The following PTPRS variants were observed in gnomAD, a reference collection of about 807,000 sequenced individuals.
PTPRS encodes receptor-type tyrosine-protein phosphatase S.
In PTPRS, 63 loss-of-function variants were observed where a neutral mutation model predicts 215.3. That is an observed-to-expected ratio of 0.29 (90% CI 0.24 to 0.36). The LOEUF is 0.36. PTPRS is among the 10% of genes least tolerant of loss of function. PTPRS has a pLI of 1.00. For synonymous variants in PTPRS, 1,404 were observed against 1,191.4 expected, an observed-to-expected ratio of 1.18 and a Z score of -3.68; for missense variants, 2,258 against 2,825.8, an observed-to-expected ratio of 0.80 and a Z score of 4.56.
At position 5,206,817 on chromosome 19, in the gene PTPRS, G is replaced by A. The variant is rs1326058191; in HGVS notation, c.5804C>T (p.Ala1935Val). 1.2e-6 allele frequency: 2 copies of A among 1,614,088 alleles called. No homozygotes were observed. Among genetic ancestry groups the A allele is most frequent in the Non-Finnish European group, 1.7e-6 (2 of 1,179,972 alleles). Residue 1935 changes from alanine (A) to valine (V), a missense_variant, in exon 38 of 38, where the codon GCG becomes GTG. Physicochemically the swap from Ala to Val is moderately conservative, Grantham distance 64 (BLOSUM62 0). Around this residue, in one of 6 missense-constraint regions of PTPRS, gnomAD observed 89 missense variants for 104.0 expected, o/e 0.86. Coordinates refer to ENST00000262963, the MANE Select transcript of PTPRS (RefSeq NM_002850.4). ...TEDEYQFCYQ[A>V]ALEYLGSFDH... The stretch of plus-strand genomic sequence containing the variant: ...AAAGCTTCCGAGGTACTCCAGTGCC[G>A]CCTGGTAACAGAACTGGTACTCATC...
chr19:5,282,953 G>A (rs1370261837), intron 2 of PTPRS, among the ~76,000 whole-genome samples: 1 of 152,182 alleles, frequency 6.6e-6, no homozygotes, highest in African/African-American at 2.4e-5. Flanking sequence ...CAAGTACCGT[G>A]GATGTCCCTG....
chr19:5,206,552 G>A lies in PTPRS; in HGVS notation c.*222C>T, dbSNP rs1446516060. On this transcript the variant is annotated 3_prime_UTR_variant, in exon 38 of 38. Coordinates refer to ENST00000262963, the MANE Select transcript of PTPRS (RefSeq NM_002850.4). The stretch of plus-strand genomic sequence containing the variant: ...TGGAAGGAAAGGAGGAATGTGCCAA[G>A]TATTTGAAGGCGGCGGCCGGTGCCA... 2.0e-6 allele frequency: 1 copy of A among 489,894 alleles called. No homozygotes were observed. The highest frequency in any genetic ancestry group is 3.7e-6 in the Non-Finnish European group (1 of 272,402). 30.3% of individuals were successfully genotyped at this position (489,894 alleles called of 1,614,324 possible).
At chr19:5,247,699 G>T (rs552880379) in intron 9 of PTPRS, among the ~76,000 whole-genome samples, 2 of 152,062 alleles carry the variant, frequency 1.3e-5, no homozygotes, top group South Asian at 4.2e-4. Flanking sequence ...GGTCTCAGGG[G>T]GTCTGGTCTA....
At chr19:5,255,697 A>T (rs2045497232) in intron 9 of PTPRS, among the ~76,000 whole-genome samples, 1 of 152,256 alleles carries the variant, frequency 6.6e-6, no homozygotes, top group Non-Finnish European at 1.5e-5. Flanking sequence ...AACCAAACCG[A>T]CAAGAGAGGC....
intron 36 of PTPRS, 31 bp from the exon 37 acceptor site, chr19:5,208,088 A>T: frequency 6.2e-7 from 1 of 1,602,744 alleles, no homozygotes; most frequent in South Asian, 1.1e-5. Flanking sequence ...ACAGCCATTC[A>T]GGGGCAGGTG....
intron 11 of PTPRS, among the ~76,000 whole-genome samples, chr19:5,240,620 A>G (rs1307113547): frequency 6.6e-6 from 1 of 151,868 alleles, no homozygotes; most frequent in Non-Finnish European, 1.5e-5. Context: ...CGGGCAGATC[A>G]CGAGATCAGG....
chr19:5,336,789 G>A (rs2050516404), intron 1 of PTPRS, among the ~76,000 whole-genome samples: 1 of 151,774 alleles, frequency 6.6e-6, no homozygotes, highest in African/African-American at 2.4e-5. Context: ...GCGGTTGGAG[G>A]GTGGGGCGGC....
chr19:5,207,968 G>A lies in PTPRS; in HGVS notation c.5732C>T (p.Thr1911Met), dbSNP rs115470613. 80 of 1,614,062 alleles carry A rather than the reference G, an allele frequency of 5.0e-5. No individual in the cohort carries two copies. Among genetic ancestry groups the A allele is most frequent in the Middle Eastern group, 1.7e-4 (1 of 6,058 alleles). Residue 1911 changes from threonine to methionine, a missense_variant, in exon 37 of 38, where the codon ACG (threonine) becomes ATG (methionine). By Grantham distance (81) the Thr-to-Met change is moderately conservative. Transcript: ENST00000262963. The stretch of plus-strand genomic sequence containing the variant: ...CCGCTGGGTTCGTAGCATCTTCACC[G>A]TCTGAAAGATGTCCACCACGCCTTC... ...RYEGVVDIFQ[T>M]VKMLRTQRPA...
intron 7 of PTPRS, among the ~76,000 whole-genome samples, chr19:5,259,748 A>C (rs181871121): frequency 6.6e-6 from 1 of 152,340 alleles, no homozygotes; most frequent in African/African-American, 2.4e-5. Flanking sequence ...CAGGGGTCCA[A>C]AAATCCAGAC....
intron 4 of PTPRS, among the ~76,000 whole-genome samples, chr19:5,270,592 G>A (rs2046825951): frequency 6.6e-6 from 1 of 152,100 alleles, no homozygotes; most frequent in Non-Finnish European, 1.5e-5. Context: ...TTACAGGTGT[G>A]AGCCACGGCA....
intron 1 of PTPRS, among the ~76,000 whole-genome samples, chr19:5,309,715 T>C (rs1031147126): frequency 2.0e-5 from 3 of 151,344 alleles, no homozygotes; most frequent in African/African-American, 7.3e-5. Flanking sequence ...ATCTCAACCC[T>C]ACCCTGCAGC....
intron 16 of PTPRS, among the ~76,000 whole-genome samples, chr19:5,227,517 C>A (rs2042606545): frequency 6.6e-6 from 1 of 151,526 alleles, no homozygotes; most frequent in South Asian, 2.1e-4. Context: ...CTAGTTCAAG[C>A]AATTCTCCTG....
chr19:5,216,442 G>C (rs148656817), intron 26 of PTPRS, among the ~76,000 whole-genome samples: 30 of 152,190 alleles, frequency 2.0e-4, no homozygotes, highest in African/African-American at 7.0e-4. Context: ...ACATCTAAGG[G>C]GCCTGCCTGT....
intron 23 of PTPRS, 153 bp downstream of exon 23, chr19:5,219,157 G>A: frequency 9.7e-7 from 1 of 1,032,628 alleles, no homozygotes; most frequent in Non-Finnish European, 1.4e-6. Context: ...CATGCTGTGT[G>A]ACCTTGATCA....
intron 9 of PTPRS, among the ~76,000 whole-genome samples, chr19:5,247,262 C>G (rs530340154): frequency 6.6e-6 from 1 of 151,760 alleles, no homozygotes; most frequent in East Asian, 1.9e-4. Context: ...GTTGAGAGAA[C>G]AGGGACATGT....
chr19:5,277,324 C>A lies in PTPRS; in HGVS notation c.92-2980G>T, dbSNP rs952667936. Among the ~76,000 whole-genome samples, 5 of 151,962 alleles carry A rather than the reference C, an allele frequency of 3.3e-5. No individual in the cohort carries two copies. In the South Asian group the frequency reaches 6.2e-4, roughly 19 times the overall value. ...TAAAAAGGAACTGATCAAGTGAATG[C>A]CAGGCTATCTATGCAGCAGAATACT... On this transcript the variant is annotated intron_variant, in intron 2 of 37. Transcript: ENST00000262963.
chr19:5,229,807 C>A (rs2042865028), intron 14 of PTPRS, 123 bp from the exon 15 acceptor site: 1 of 559,760 alleles, frequency 1.8e-6, no homozygotes, highest in Non-Finnish European at 2.6e-6. Flanking sequence ...TAACTGGGCG[C>A]TCTTAGCGCT....
chr19:5,206,744 G>C lies in PTPRS; in HGVS notation c.*30C>G. 1.9e-6 allele frequency: 3 copies of C among 1,605,290 alleles called. No homozygotes were observed. Among genetic ancestry groups the C allele is most frequent in the East Asian group, 2.2e-5 (1 of 44,832 alleles). The stretch of plus-strand genomic sequence containing the variant: ...GGAGGGGCAGAGGCATCCGGGGCCA[G>C]TGGTGTCGGGCCTGGGGGGAACCAT... On this transcript the variant is annotated 3_prime_UTR_variant, in exon 38 of 38. Transcript: ENST00000262963.
In PTPRS at chr19:5,294,955, G is replaced by A. The variant is rs1270805430; in HGVS notation, c.-94-8721C>T. Among the ~76,000 whole-genome samples, 2 of 152,160 alleles carry A rather than the reference G, an allele frequency of 1.3e-5. No homozygotes were observed. Among genetic ancestry groups the A allele is most frequent in the Non-Finnish European group, 2.9e-5 (2 of 68,028 alleles). The stretch of plus-strand genomic sequence containing the variant: ...TGCTTCATGGAGGAGGCTGCCTGGT[G>A]CCCCAGCATCACCAAAGGCACACAG... On this transcript the variant is annotated intron_variant, in intron 1 of 37. Coordinates refer to ENST00000262963, the MANE Select transcript of PTPRS (RefSeq NM_002850.4). This position sits in a 1 kb window ranked among gnomAD's most constrained non-coding sequence, Gnocchi z 5.1.
Sources: gnomAD v4.1 joint callset for allele counts (sites outside exome capture counted in the v4.1 genomes callset) on GRCh38, gnomAD v4.1.1 for gene constraint, gnomAD v4.1.1 regional missense constraint, Gnocchi (gnomAD v3.1) non-coding constraint, MANE v1.5 for transcripts, NCBI Gene and HGNC (gene_info 2026-07-23, HGNC 2026-07-21) for gene names.